Variants in ELF1 observed in about 807,000 individuals in gnomAD.
ELF1 encodes E74 like ETS transcription factor 1.
A neutral mutation model predicts 59.9 loss-of-function variants in ELF1; 24 were observed. The ratio of observed to expected loss-of-function variants is 0.40; its 90% CI spans 0.29 to 0.56. ELF1 has a LOEUF of 0.56. ELF1 is among the 20% of genes least tolerant of loss of function. The pLI, the probability that ELF1 is intolerant of heterozygous loss-of-function variation, is 0.44. For synonymous variants in ELF1, 248 were observed against 266.2 expected, an observed-to-expected ratio of 0.93 and a Z score of 0.67; for missense variants, 627 against 742.2, an observed-to-expected ratio of 0.84 and a Z score of 1.80.
chr13:40,951,243 T>C, intron 4 of ELF1, 86 bp downstream of exon 4: 1 of 1,125,570 alleles, frequency 8.9e-7, no homozygotes, highest in Non-Finnish European at 1.3e-6. Flanking sequence ...ATAACATCAT[T>C]TCTAATCTCT....
chr13:40,963,544 T>A (rs1252550289), intron 2 of ELF1, among the ~76,000 whole-genome samples: 1 of 152,226 alleles, frequency 6.6e-6, no homozygotes, highest in Non-Finnish European at 1.5e-5. Context: ...AAGTTGTTCA[T>A]CTCTCGTTTC....
intron 1 of ELF1, among the ~76,000 whole-genome samples, chr13:41,029,827 G>C (rs1438395347): frequency 6.6e-6 from 1 of 152,138 alleles, no homozygotes; most frequent in African/African-American, 2.4e-5. Flanking sequence ...CCAGCAACTG[G>C]AAAGACTGCA....
chr13:40,959,427 C>T (rs1289636133), intron 2 of ELF1, among the ~76,000 whole-genome samples: 2 of 151,946 alleles, frequency 1.3e-5, no homozygotes, highest in Non-Finnish European at 2.9e-5. Context: ...ACCTGGGAGG[C>T]GGAGGTTGCA....
At chr13:40,961,371 C>T (rs1871808691) in intron 2 of ELF1, among the ~76,000 whole-genome samples, 1 of 152,012 alleles carries the variant, frequency 6.6e-6, no homozygotes, top group Non-Finnish European at 1.5e-5. Flanking sequence ...AATTTTAAAA[C>T]AGAAACTAGG....
At chr13:41,010,494 T>C (rs995016214) in intron 1 of ELF1, among the ~76,000 whole-genome samples, 1 of 113,522 alleles carries the variant, frequency 8.8e-6, no homozygotes, top group Non-Finnish European at 1.6e-5. Context: ...ATGAGGTGTA[T>C]GTGTGTGTGT....
rs1276103107 is a variant in ELF1 at position 41,016,947 on chromosome 13, AATATATATATATATAT to A, written c.-229+2265_-229+2280del. On this transcript the variant is annotated intron_variant, in intron 1 of 8. Transcript: ENST00000239882. The stretch of plus-strand genomic sequence containing the variant: ...AAAAAAAAAAAAAAAAAAAAAAAAA[AATATATATATATATAT>A]ATATATATATATATATATGAGCTAA... Among the ~76,000 whole-genome samples the A allele has an allele frequency of 5.6e-3, 138 of 24,734 alleles. 3 individuals are homozygous for A. Among genetic ancestry groups the A allele is most frequent in the African/African-American group, 0.021 (112 of 5,452 alleles). 16.2% of individuals were successfully genotyped at this position (24,734 alleles called of 152,430 possible).
intron 1 of ELF1, among the ~76,000 whole-genome samples, chr13:41,027,467 T>C (rs916034614): frequency 9.2e-5 from 14 of 152,170 alleles, no homozygotes; most frequent in African/African-American, 3.4e-4. Context: ...TTCCACTCAC[T>C]ACAGCTCACC....
At chr13:40,955,993 T>G (rs1871388187) in intron 3 of ELF1, among the ~76,000 whole-genome samples, 2 of 136,708 alleles carry the variant, frequency 1.5e-5, no homozygotes, top group South Asian at 2.5e-4. Context: ...GTCCAGGAGG[T>G]GAGGGGCGCC....
In ELF1 at chr13:41,054,065, A is replaced by G. The variant is rs75121577; in HGVS notation, c.-229+6773T>C. ...TGTCTTATAAAATGGGATGAAAAAA[A>G]TCAGTACAACAAAAGGGATAAATGA... is the stretch of plus-strand genomic sequence containing the variant. On this transcript the variant is annotated intron_variant, in intron 1 of 1. Transcript: ENST00000405737. Among the ~76,000 whole-genome samples, 23 of 152,352 alleles carry G rather than the reference A, an allele frequency of 1.5e-4. No homozygotes were observed. In the East Asian group the frequency reaches 2.5e-3, roughly 17 times the overall value.
upstream of ELF1, among the ~76,000 whole-genome samples, chr13:41,023,754 G>A (rs1593400725): frequency 6.6e-6 from 1 of 152,178 alleles, no homozygotes; most frequent in East Asian, 1.9e-4. Context: ...TATTTTCAGG[G>A]GCTTATCAAA....
chr13:40,944,994 C>T (rs956833994), intron 5 of ELF1, among the ~76,000 whole-genome samples: 6 of 152,170 alleles, frequency 3.9e-5, no homozygotes, highest in African/African-American at 1.4e-4. Context: ...AAAGCCCGCT[C>T]TTCAGTCTCT....
intron 1 of ELF1, among the ~76,000 whole-genome samples, chr13:41,039,336 TAAAAA>T (rs747996967): frequency 9.7e-6 from 1 of 102,896 alleles, no homozygotes; most frequent in South Asian, 3.0e-4. Flanking sequence ...GTCCTTTTTT[TAAAAA>T]AAAAAAAAAA....
rs1414951496 is a variant in ELF1 at position 40,946,272 on chromosome 13, C to T, written c.530-2347G>A. Among the ~76,000 whole-genome samples the T allele has an allele frequency of 2.6e-5, 4 of 152,120 alleles. No individual in the cohort carries two copies. The South Asian group carries it at 6.2e-4, about 24-fold the overall frequency. On this transcript the variant is annotated intron_variant, in intron 5 of 8. Transcript: ENST00000239882. The stretch of plus-strand genomic sequence containing the variant: ...GGTATAACTGACATATAATAAACTA[C>T]GTATGTTTGATGTTTACAATTTGAC...
chr13:40,987,167 AC>A (rs1470490233), intron 1 of ELF1, among the ~76,000 whole-genome samples: 1 of 149,808 alleles, frequency 6.7e-6, no homozygotes, highest in Non-Finnish European at 1.5e-5. Context: ...CGATCTCCTG[AC>A]CTTGTGATCC....
At chr13:40,969,729 GTC>G (rs1233812998) in intron 2 of ELF1, among the ~76,000 whole-genome samples, 2 of 152,030 alleles carry the variant, frequency 1.3e-5, no homozygotes, top group African/African-American at 2.4e-5. Context: ...TTAAGACAGG[GTC>G]TCTGTCAGTG....
chr13:40,993,606 G>A (rs1873980661), intron 1 of ELF1, among the ~76,000 whole-genome samples: 1 of 152,104 alleles, frequency 6.6e-6, no homozygotes, highest in Admixed American at 6.5e-5. Flanking sequence ...TCAGCCTCCT[G>A]AGTAGCTGGG....
intron 1 of ELF1, among the ~76,000 whole-genome samples, chr13:40,990,576 C>A (rs1316325111): frequency 2.0e-5 from 3 of 151,994 alleles, no homozygotes; most frequent in Non-Finnish European, 4.4e-5. Flanking sequence ...ATTACTTTGG[C>A]CAGGTGCAGT....
intron 1 of ELF1, among the ~76,000 whole-genome samples, chr13:41,033,761 T>C (rs765045009): frequency 2.0e-5 from 3 of 152,136 alleles, no homozygotes; most frequent in Admixed American, 6.6e-5. Flanking sequence ...TGTGGAAAAA[T>C]TGTGTTCCAT....
At chr13:41,043,309 T>C (rs1486478025) in intron 1 of ELF1, among the ~76,000 whole-genome samples, 3 of 152,222 alleles carry the variant, frequency 2.0e-5, no homozygotes, top group Non-Finnish European at 2.9e-5. Context: ...TTTAGTTTAA[T>C]TAGATCCCAT....
Sources: allele counts gnomAD v4.1 joint callset (sites outside exome capture counted in the v4.1 genomes callset), GRCh38; gene constraint gnomAD v4.1.1; transcripts MANE v1.5; gene names NCBI Gene and HGNC (gene_info 2026-07-23, HGNC 2026-07-21).